The following TEX11 variants were observed in gnomAD, a reference collection of about 807,000 sequenced individuals.
TEX11 encodes the protein testis-expressed protein 11.
Under a neutral mutation model 84.4 loss-of-function variants are expected in TEX11, and 7 were observed. The observed-to-expected ratio is 0.08, with a 90% CI of 0.05 to 0.16. The LOEUF is 0.16. TEX11 is among the 10% of genes least tolerant of loss of function. TEX11 has a pLI of 1.00. For synonymous variants in TEX11, 264 were observed against 222.8 expected, an observed-to-expected ratio of 1.18 and a Z score of -1.64; for missense variants, 551 against 660.5, an observed-to-expected ratio of 0.83 and a Z score of 1.82.
chrX:70,515,737 G>A, the TEX11 span, among the ~76,000 whole-genome samples: 15 of 112,316 alleles, frequency 1.3e-4, no homozygotes, highest in Non-Finnish European at 2.4e-4. Flanking sequence ...AGTCCCACCA[G>A]CAGTGTAAAA....
At chrX:70,881,725 C>T (rs1329874118) in intron 2 of TEX11, among the ~76,000 whole-genome samples, 1 of 110,269 alleles carries the variant, frequency 9.1e-6, no homozygotes, top group African/African-American at 3.3e-5. Flanking sequence ...CTACTATGTA[C>T]GTATAAAAAT....
In TEX11 at chrX:70,868,322, A is replaced by G. The variant is rs183877075; in HGVS notation, c.244+4901T>C. 1.8e-3 allele frequency among the ~76,000 whole-genome samples: 205 copies of G among 112,257 alleles called. 1 individual carries two copies. The highest frequency in any genetic ancestry group is 9.1e-3 in the Middle Eastern group (2 of 219). ...TAGAGAAATGCAAATGAAAACCACA[A>G]TGAGGTACCATCTCACTCCAGTTAG... On this transcript the variant is annotated intron_variant, in intron 4 of 29. Transcript: ENST00000374333.
At chrX:70,642,636 A>T (rs1445202262) in intron 17 of TEX11, among the ~76,000 whole-genome samples, 2 of 96,137 alleles carry the variant, frequency 2.1e-5, no homozygotes, top group Non-Finnish European at 4.2e-5. Flanking sequence ...AATAAATGTA[A>T]TCCAGCATAT....
chrX:70,700,964 A>G (rs1472880718), intron 13 of TEX11, among the ~76,000 whole-genome samples: 2 of 111,756 alleles, frequency 1.8e-5, no homozygotes, highest in African/African-American at 3.3e-5. Flanking sequence ...TCTTCATTCT[A>G]TGAAGGCCTA....
intron 8 of TEX11, among the ~76,000 whole-genome samples, chrX:70,832,252 C>T (rs1466567593): frequency 9.0e-6 from 1 of 111,552 alleles, no homozygotes; most frequent in African/African-American, 3.2e-5. Flanking sequence ...TCAAAACTGC[C>T]AAGATCATGA....
At chrX:70,574,964 C>T (rs1005426815) in intron 25 of TEX11, among the ~76,000 whole-genome samples, 1 of 110,922 alleles carries the variant, frequency 9.0e-6, no homozygotes, top group African/African-American at 3.3e-5. Flanking sequence ...CATAGTAGGG[C>T]TAGAGTACAT....
At chrX:70,604,439 C>G (rs2089171958) in intron 24 of TEX11, among the ~76,000 whole-genome samples, 1 of 110,951 alleles carries the variant, frequency 9.0e-6, no homozygotes, top group Non-Finnish European at 1.9e-5. Context: ...CTTTACTCCT[C>G]AGAGGCAAGG....
chrX:70,866,699 G>C (rs2091601060), intron 4 of TEX11, among the ~76,000 whole-genome samples: 1 of 111,686 alleles, frequency 9.0e-6, no homozygotes, highest in Non-Finnish European at 1.9e-5. Flanking sequence ...TATCTACCAC[G>C]ATCAAGTCAG....
At chrX:70,754,771 A>AAGAG (rs754531451) in intron 9 of TEX11, among the ~76,000 whole-genome samples, 1 of 107,646 alleles carries the variant, frequency 9.3e-6, no homozygotes, top group East Asian at 3.0e-4. Context: ...GAAAGAGAGA[A>AAGAG]AGAGAGAGAG....
chrX:70,791,567 C>G (rs962472353), intron 9 of TEX11, among the ~76,000 whole-genome samples: 1 of 111,983 alleles, frequency 8.9e-6, no homozygotes, highest in African/African-American at 3.2e-5. Flanking sequence ...TTCTTCTCAT[C>G]TGCATGCAGA....
chrX:70,700,172 G>A (rs2090314540), intron 13 of TEX11, among the ~76,000 whole-genome samples: 2 of 111,216 alleles, frequency 1.8e-5, no homozygotes, highest in South Asian at 7.5e-4. Flanking sequence ...CTGGAGTGAA[G>A]TGCTGTGATC....
At chrX:70,662,958 T>G (rs2089943789) in intron 16 of TEX11, among the ~76,000 whole-genome samples, 1 of 111,583 alleles carries the variant, frequency 9.0e-6, no homozygotes, top group African/African-American at 3.3e-5. Flanking sequence ...GTTGTCAAAA[T>G]TATTGAACTA....
At chrX:70,606,744 T>C (rs1473700376) in intron 23 of TEX11, among the ~76,000 whole-genome samples, 2 of 111,921 alleles carry the variant, frequency 1.8e-5, no homozygotes, top group African/African-American at 6.5e-5. Flanking sequence ...CCCTGATGAA[T>C]GTTTCTGATA....
intron 25 of TEX11, among the ~76,000 whole-genome samples, chrX:70,561,678 G>C (rs1245129553): frequency 9.0e-6 from 1 of 110,540 alleles, no homozygotes; most frequent in East Asian, 2.8e-4. Flanking sequence ...GAGCCACCGT[G>C]CCCAGCCCAA....
chrX:70,651,857 A>G (rs760798398), intron 16 of TEX11, among the ~76,000 whole-genome samples: 1 of 112,020 alleles, frequency 8.9e-6, no homozygotes, highest in South Asian at 3.7e-4. Flanking sequence ...ATAGCAAAAG[A>G]ATTACCAAGG....
At chrX:70,514,083 T>G in the TEX11 span, among the ~76,000 whole-genome samples, 6 of 109,459 alleles carry the variant, frequency 5.5e-5, 1 homozygote, top group East Asian at 1.4e-3. Flanking sequence ...CTCATATGGT[T>G]CAACTTAATA....
intron 7 of TEX11, among the ~76,000 whole-genome samples, chrX:70,851,124 C>T (rs1357269535): frequency 9.0e-6 from 1 of 111,340 alleles, no homozygotes; most frequent in Non-Finnish European, 1.9e-5. Context: ...ATGTAAGGGA[C>T]CCAGAAAAGT....
intron 5 of TEX11, among the ~76,000 whole-genome samples, chrX:70,859,250 C>T (rs1263650409): frequency 9.2e-6 from 1 of 108,128 alleles, no homozygotes; most frequent in Non-Finnish European, 1.9e-5. Context: ...AAATATTTTT[C>T]CACTAAAAAA....
chrX:70,692,654 C>T (rs1042359245), intron 13 of TEX11, among the ~76,000 whole-genome samples: 2 of 108,662 alleles, frequency 1.8e-5, no homozygotes, highest in African/African-American at 3.3e-5. Context: ...TATCTGTATA[C>T]GTTTGCGTGT....
Sources: gnomAD v4.1 joint callset for allele counts (sites outside exome capture counted in the v4.1 genomes callset) on GRCh38, gnomAD v4.1.1 for gene constraint, MANE v1.5 for transcripts, NCBI Gene and HGNC (gene_info 2026-07-23, HGNC 2026-07-21) for gene names.